Variants in BCL2 observed in about 807,000 individuals in gnomAD.
BCL2 encodes BCL2 apoptosis regulator, also known as apoptosis regulator Bcl-2.
BCL2 carries 1 observed loss-of-function variant against 14.2 expected under a neutral mutation model. The observed-to-expected ratio is 0.07, with a 90% CI of 0.02 to 0.33. The LOEUF (loss-of-function observed/expected upper bound fraction) is 0.33. BCL2 is among the 10% of genes least tolerant of loss of function. The probability of loss-of-function intolerance (pLI) is 0.99; values close to 1 mark genes in which losing one functional copy is unlikely to be tolerated. For synonymous variants in BCL2, 151 were observed against 137.2 expected (o/e 1.10, Z -0.70); for missense variants, 247 against 305.9 (o/e 0.81, Z 1.44).
intron 2 of BCL2, among the ~76,000 whole-genome samples, chr18:63,246,866 A>G (rs1196606013): frequency 6.6e-6 from 1 of 151,814 alleles, no homozygotes; most frequent in Non-Finnish European, 1.5e-5. Flanking sequence ...TCCTAAAGCC[A>G]TGGCCCATTC....
chr18:63,173,430 T>C (rs1915275181), intron 2 of BCL2, among the ~76,000 whole-genome samples: 2 of 152,206 alleles, frequency 1.3e-5, no homozygotes, highest in African/African-American at 4.8e-5. Context: ...TTCCCTGGTG[T>C]TTTTGAAGAG....
intron 2 of BCL2, among the ~76,000 whole-genome samples, chr18:63,206,168 T>A (rs2144668777): frequency 6.6e-6 from 1 of 152,312 alleles, no homozygotes; most frequent in South Asian, 2.1e-4. Flanking sequence ...TCGGTAAGTG[T>A]GCATGCAGCA....
At position 63,142,620 on chromosome 18, in the gene BCL2, A is replaced by C. The variant is rs373777373; in HGVS notation, c.586-13861T>G. ...TCAATGGGTCATTCTGTGACCGTCA[A>C]AGTGACTGCGATGATCCTCTGAGAA... On this transcript the variant is annotated intron_variant, in intron 2 of 2. Coordinates refer to ENST00000333681, the MANE Select transcript of BCL2 (RefSeq NM_000633.3). 3.7e-3 allele frequency among the ~76,000 whole-genome samples: 570 copies of C among 152,294 alleles called. 3 individuals carry two copies. Among genetic ancestry groups the C allele is most frequent in the African/African-American group, 0.013 (525 of 41,552 alleles).
At chr18:63,192,070 C>T (rs993388734) in intron 2 of BCL2, among the ~76,000 whole-genome samples, 11 of 152,186 alleles carry the variant, frequency 7.2e-5, no homozygotes, top group Non-Finnish European at 1.2e-4. Context: ...CAGGCATGGT[C>T]CCTGCTTTCA....
At chr18:63,308,500 G>A (rs1025865447) in intron 2 of BCL2, among the ~76,000 whole-genome samples, 1 of 152,210 alleles carries the variant, frequency 6.6e-6, no homozygotes, top group Non-Finnish European at 1.5e-5. Flanking sequence ...CTAGGCATAT[G>A]TACATACACT....
chr18:63,228,030 C>G (rs1317744044), intron 2 of BCL2, among the ~76,000 whole-genome samples: 1 of 152,190 alleles, frequency 6.6e-6, no homozygotes, highest in Non-Finnish European at 1.5e-5. Context: ...TCTTTTTGGC[C>G]TACAGATGGC....
chr18:63,190,210 A>C (rs1339689411), intron 2 of BCL2, among the ~76,000 whole-genome samples: 1 of 152,192 alleles, frequency 6.6e-6, no homozygotes, highest in African/African-American at 2.4e-5. Context: ...ATCCCATGTA[A>C]GACTGTTGAA....
intron 2 of BCL2, among the ~76,000 whole-genome samples, chr18:63,299,562 T>C (rs1341075573): frequency 6.6e-6 from 1 of 152,218 alleles, no homozygotes; most frequent in Non-Finnish European, 1.5e-5. Flanking sequence ...TAGAAACCTT[T>C]TACTGGCATT....
intron 2 of BCL2, among the ~76,000 whole-genome samples, chr18:63,159,847 A>G (rs1304985815): frequency 6.6e-6 from 1 of 152,234 alleles, no homozygotes; most frequent in African/African-American, 2.4e-5. Flanking sequence ...TTCCCCGCAC[A>G]GTGGGGACTG....
chr18:63,235,916 A>G (rs1362239561), intron 2 of BCL2, among the ~76,000 whole-genome samples: 1 of 152,242 alleles, frequency 6.6e-6, no homozygotes, highest in Middle Eastern at 3.4e-3. Flanking sequence ...TATAAAGGAT[A>G]TCATGGAGTT....
chr18:63,242,904 G>A (rs1052808022), intron 2 of BCL2, among the ~76,000 whole-genome samples: 2 of 152,154 alleles, frequency 1.3e-5, no homozygotes, highest in African/African-American at 2.4e-5. Flanking sequence ...AAAGGGAACG[G>A]AGAGGCGCTG....
chr18:63,126,486 T>C lies in BCL2; in HGVS notation c.*2139A>G, dbSNP rs1599195044. 4.4e-6 allele frequency: 1 copy of C among 228,176 alleles called. No homozygotes were observed. The highest frequency in any genetic ancestry group is 1.8e-4 in the South Asian group (1 of 5,470). The allele number at this position is 228,176 out of a possible 1,614,324, so 14.1% of individuals were successfully genotyped here. On this transcript the variant is annotated 3_prime_UTR_variant, in exon 3 of 3. Transcript: ENST00000333681. ...AACCAAACATGCATGTAATCCTGAA[T>C]ACCATGAATTAAATGCGGAATTGCC...
At chr18:63,307,341 A>C (rs1457183336) in intron 2 of BCL2, among the ~76,000 whole-genome samples, 1 of 152,252 alleles carries the variant, frequency 6.6e-6, no homozygotes, top group African/African-American at 2.4e-5. Context: ...AATGACATGT[A>C]CTTTCATCGG....
intron 2 of BCL2, 143 bp downstream of exon 2, chr18:63,317,939 G>A: frequency 1.4e-6 from 2 of 1,471,360 alleles, no homozygotes; most frequent in Middle Eastern, 2.4e-4. Flanking sequence ...AGAGGAGGAG[G>A]TAGGGACGCC....
At chr18:63,145,093 C>A (rs374048121) in intron 2 of BCL2, among the ~76,000 whole-genome samples, 15 of 152,334 alleles carry the variant, frequency 9.8e-5, no homozygotes, top group African/African-American at 3.4e-4. Context: ...GGCTGCTTCA[C>A]AGGGAATTCT....
At chr18:63,252,152 A>G (rs894752776) in intron 2 of BCL2, among the ~76,000 whole-genome samples, 1 of 152,210 alleles carries the variant, frequency 6.6e-6, no homozygotes, top group African/African-American at 2.4e-5. Context: ...AATATTCTTA[A>G]TATCTTAAAA....
At chr18:63,158,577 T>C (rs1169134568) in intron 2 of BCL2, among the ~76,000 whole-genome samples, 1 of 152,142 alleles carries the variant, frequency 6.6e-6, no homozygotes, top group East Asian at 1.9e-4. Context: ...GTTTAGGCAG[T>C]GGACACAAGC....
At chr18:63,295,882 T>TCCACCAACCTGGA (rs1441298620) in intron 2 of BCL2, among the ~76,000 whole-genome samples, 1 of 152,244 alleles carries the variant, frequency 6.6e-6, no homozygotes, top group Non-Finnish European at 1.5e-5. Context: ...ACAGGTGGGA[T>TCCACCAACCTGGA]CCACCAACCT....
chr18:63,300,483 T>G (rs969732114), intron 2 of BCL2, among the ~76,000 whole-genome samples: 5 of 151,992 alleles, frequency 3.3e-5, no homozygotes, highest in Non-Finnish European at 4.4e-5. Flanking sequence ...TGTGTGTGTG[T>G]GTGTGTGTGT....
Sources: gnomAD v4.1 joint callset for allele counts (sites outside exome capture counted in the v4.1 genomes callset) on GRCh38, gnomAD v4.1.1 for gene constraint, MANE v1.5 for transcripts, NCBI Gene and HGNC (gene_info 2026-07-23, HGNC 2026-07-21) for gene names.